The following CPXM2 variants were observed in gnomAD, a reference collection of about 807,000 sequenced individuals.
The protein encoded by CPXM2 is carboxypeptidase X, M14 family member 2.
Under a neutral mutation model 86.1 loss-of-function variants are expected in CPXM2, and 66 were observed. The ratio of observed to expected loss-of-function variants is 0.77; its 90% CI spans 0.63 to 0.94. The LOEUF is 0.94. Among genes scored for constraint, CPXM2 ranks in the 40% least tolerant of loss-of-function variants. The pLI, the probability that CPXM2 is intolerant of heterozygous loss-of-function variation, is 0.00. For synonymous variants in CPXM2, 388 were observed against 400.2 expected (o/e 0.97, Z 0.36); for missense variants, 948 against 1,026.3 (o/e 0.92, Z 1.04).
chr10:123,863,999 G>A (rs1388862255), intron 2 of CPXM2, among the ~76,000 whole-genome samples: 1 of 152,168 alleles, frequency 6.6e-6, no homozygotes, highest in Non-Finnish European at 1.5e-5. Context: ...TAGGCTGCCT[G>A]TCCCTTTGGA....
chr10:123,791,332 G>T (rs566399057), intron 6 of CPXM2, among the ~76,000 whole-genome samples: 1 of 152,162 alleles, frequency 6.6e-6, no homozygotes, highest in Non-Finnish European at 1.5e-5. Context: ...CAGGAGAATC[G>T]CTTGAATCCG....
At chr10:123,798,400 T>G (rs1005740933) in intron 5 of CPXM2, among the ~76,000 whole-genome samples, 2 of 152,062 alleles carry the variant, frequency 1.3e-5, no homozygotes, top group Non-Finnish European at 2.9e-5. Flanking sequence ...TAGAGAGCTT[T>G]GGGATTTCAG....
intron 4 of CPXM2, among the ~76,000 whole-genome samples, chr10:123,804,251 A>G (rs1396311789): frequency 2.0e-5 from 3 of 152,152 alleles, no homozygotes; most frequent in Non-Finnish European, 4.4e-5. Flanking sequence ...GCAGTCCTAT[A>G]TAAATTTTAA....
chr10:123,769,222 A>G (rs2134004502), intron 8 of CPXM2, among the ~76,000 whole-genome samples: 1 of 152,294 alleles, frequency 6.6e-6, no homozygotes, highest in Non-Finnish European at 1.5e-5. Flanking sequence ...TTAAAATCTC[A>G]GGGTGCTATG....
intron 13 of CPXM2, chr10:123,751,741 T>C (rs2133968718): frequency 2.0e-6 from 2 of 985,434 alleles, no homozygotes; most frequent in African/African-American, 3.5e-5. Context: ...AAACCTCAGA[T>C]AGAAATCAAG....
chr10:123,851,927 T>G (rs1848607199), intron 3 of CPXM2, among the ~76,000 whole-genome samples: 1 of 151,988 alleles, frequency 6.6e-6, no homozygotes, highest in Non-Finnish European at 1.5e-5. Flanking sequence ...AGAGGCTCAC[T>G]GGAAGAAGCC....
intron 2 of CPXM2, among the ~76,000 whole-genome samples, chr10:123,897,468 C>A (rs28620497): frequency 6.6e-6 from 1 of 152,140 alleles, no homozygotes; most frequent in Non-Finnish European, 1.5e-5. Flanking sequence ...TCCAAAATTT[C>A]TGCCTCCATC....
At chr10:123,943,535 G>C (rs1191763047), upstream of CPXM2, among the ~76,000 whole-genome samples, 1 of 152,232 alleles carries the variant, frequency 6.6e-6, no homozygotes, top group Non-Finnish European at 1.5e-5. Context: ...GCAGGCTGCA[G>C]AGAGGCCAAA....
intron 4 of CPXM2, among the ~76,000 whole-genome samples, chr10:123,828,632 G>A (rs547991733): frequency 1.3e-5 from 2 of 152,242 alleles, no homozygotes; most frequent in Admixed American, 1.3e-4. Context: ...CTCTTTCCTG[G>A]TTTCTCTGGT....
intron 13 of CPXM2, chr10:123,751,637 A>T (rs2133968522): frequency 1.0e-6 from 1 of 985,428 alleles, no homozygotes. Context: ...AACTCAAAGC[A>T]TTCCTACCAG....
intron 3 of CPXM2, among the ~76,000 whole-genome samples, chr10:123,857,353 C>G (rs535876551): frequency 5.9e-4 from 89 of 152,118 alleles, no homozygotes; most frequent in Middle Eastern, 3.4e-3. Flanking sequence ...AGTCTAAAAC[C>G]CAGCTCACCA....
intron 7 of CPXM2, among the ~76,000 whole-genome samples, chr10:123,774,422 T>C (rs1473352932): frequency 6.6e-6 from 1 of 152,220 alleles, no homozygotes; most frequent in East Asian, 1.9e-4. Flanking sequence ...TGGGTTGAAA[T>C]CTATTAGAAC....
chr10:123,837,082 TC>T (rs150803232), intron 4 of CPXM2, among the ~76,000 whole-genome samples: 263 of 152,396 alleles, frequency 1.7e-3, no homozygotes, highest in Non-Finnish European at 3.0e-3. Context: ...GTCCTGGTCT[TC>T]CTTCTGACGT....
At chr10:123,747,893 G>A (rs1331086346) in intron 13 of CPXM2, among the ~76,000 whole-genome samples, 2 of 140,046 alleles carry the variant, frequency 1.4e-5, no homozygotes, top group Non-Finnish European at 3.0e-5. Flanking sequence ...CTGCACTCCA[G>A]CCTGGGCGAC....
intron 10 of CPXM2, among the ~76,000 whole-genome samples, chr10:123,764,622 G>A (rs1221227850): frequency 6.6e-6 from 1 of 152,058 alleles, no homozygotes; most frequent in African/African-American, 2.4e-5. Context: ...AAGTAGTTGG[G>A]ACCACAGTTG....
At chr10:123,751,444 G>T in intron 13 of CPXM2, 1 of 928,432 alleles carries the variant, frequency 1.1e-6, no homozygotes, top group Non-Finnish European at 1.3e-6. Context: ...CTTCTAAGAA[G>T]GTTTGCGTCT....
In CPXM2 at chr10:123,934,747, C is replaced by T. The variant is rs373325292; in HGVS notation, n.174+4730G>A. ...CCTTCATCCACATCCGCCCCACCCA[C>T]GTAGAGGGTGTGCAGGGCCCTTTCT... On this transcript the variant is annotated intron_variant and non_coding_transcript_variant, in intron 2 of 19. Transcript: ENST00000368854. Among the ~76,000 whole-genome samples the T allele has an allele frequency of 6.6e-5, 10 of 152,148 alleles. No individual in the cohort carries two copies. In the East Asian group the frequency reaches 1.5e-3, roughly 24 times the overall value.
At chr10:123,845,934 T>G (rs1848485970) in intron 3 of CPXM2, among the ~76,000 whole-genome samples, 1 of 152,116 alleles carries the variant, frequency 6.6e-6, no homozygotes, top group South Asian at 2.1e-4. Context: ...GCTTTCAAAG[T>G]TCAAAAGGGA....
In CPXM2 at chr10:123,885,477, T is replaced by G. The variant is rs1483553315; in HGVS notation, c.305-5168A>C. Among the ~76,000 whole-genome samples the G allele has an allele frequency of 2.6e-5, 4 of 152,222 alleles. No individual in the cohort carries two copies. Among genetic ancestry groups the G allele is most frequent in the African/African-American group, 9.6e-5 (4 of 41,458 alleles). ...AAAAACTCACCATGGAGCACCTACC[T>G]GTGCCTAGCATGAACCAGGCATTCC... On this transcript the variant is annotated intron_variant, in intron 1 of 13. Transcript: ENST00000241305. This position sits in a 1 kb window ranked among gnomAD's most constrained non-coding sequence, Gnocchi z 4.0.
Sources: allele counts gnomAD v4.1 joint callset (sites outside exome capture counted in the v4.1 genomes callset), GRCh38; gene constraint gnomAD v4.1.1; non-coding constraint Gnocchi (gnomAD v3.1); transcripts MANE v1.5; gene names NCBI Gene and HGNC (gene_info 2026-07-23, HGNC 2026-07-21).